ASIC1: variants seen among roughly 807,000 people sequenced by gnomAD.
ASIC1 encodes acid-sensing ion channel 1.
ASIC1 carries 21 observed loss-of-function variants against 63.4 expected under a neutral mutation model. That is an observed-to-expected ratio of 0.33 (90% confidence interval 0.23 to 0.48). The LOEUF (loss-of-function observed/expected upper bound fraction) is 0.48, where lower values mean the gene tolerates loss of function less well. ASIC1 is among the 20% of genes least tolerant of loss of function. The probability of loss-of-function intolerance (pLI) is 0.99; values close to 1 mark genes in which losing one functional copy is unlikely to be tolerated. For synonymous variants in ASIC1, 258 were observed against 278.2 expected, an observed-to-expected ratio of 0.93 and a Z score of 0.72; for missense variants, 478 against 695.5, an observed-to-expected ratio of 0.69 and a Z score of 3.52.
rs1171951314 is a variant in ASIC1 at position 50,067,408 on chromosome 12, TTG to T, written c.558+7456_558+7457del. 1.8e-3 allele frequency among the ~76,000 whole-genome samples: 195 copies of T among 108,562 alleles called. 1 individual carries two copies. The highest frequency in any genetic ancestry group is 3.0e-3 in the Non-Finnish European group (162 of 54,218). The allele number at this position is 108,562 out of a possible 152,430, so 71.2% of individuals were successfully genotyped here. A position where few individuals can be genotyped will look rare whatever the true frequency, so the allele number is the denominator to read the frequency against. ...TAGTTGCCCACCAACTCTTCTGCTG[TTG>T]TTTTTTTTTTTTTTTTGAGACGGAG... On this transcript the variant is annotated intron_variant, in intron 3 of 11. Transcript: ENST00000447966.
chr12:50,070,055 T>G (rs1420591041), intron 3 of ASIC1, among the ~76,000 whole-genome samples: 1 of 151,984 alleles, frequency 6.6e-6, no homozygotes, highest in African/African-American at 2.4e-5. Context: ...TACACAGACA[T>G]GAGGGGTGGC....
intron 8 of ASIC1, 161 bp downstream of exon 8, chr12:50,080,216 G>C: frequency 1.0e-6 from 1 of 1,002,036 alleles, no homozygotes. Flanking sequence ...ATGCAGGGAA[G>C]ATCAAGCCAG....
At position 50,058,737 on chromosome 12, in the gene ASIC1, C is replaced by T. The variant is rs1361026391; in HGVS notation, c.-16-14C>T. The T allele has an allele frequency of 1.3e-6, 2 of 1,552,486 alleles. No individual in the cohort carries two copies. Among genetic ancestry groups the T allele is most frequent in the East Asian group, 2.3e-5 (1 of 44,294 alleles). ...CCCAGGACAATGATAGACTGTCCCTCCCTCCTCCCCCAGGATCCCCTCAAC... is the reference window on the plus strand; with the variant it reads ...CCCAGGACAATGATAGACTGTCCCTTCCTCCTCCCCCAGGATCCCCTCAAC... On this transcript the variant is annotated splice_polypyrimidine_tract_variant and intron_variant, in intron 1 of 11. Coordinates refer to ENST00000447966, the MANE Select transcript of ASIC1 (RefSeq NM_001095.4).
At chr12:50,062,400 C>T (rs1443202479) in intron 3 of ASIC1, among the ~76,000 whole-genome samples, 2 of 152,192 alleles carry the variant, frequency 1.3e-5, no homozygotes, top group South Asian at 2.1e-4. Context: ...TCTATAGGGT[C>T]GATCTAAGGG....
Position 50,081,811 on chromosome 12 carries a change from C to A in ASIC1, c.*162C>A. The stretch of plus-strand genomic sequence containing the variant: ...AGGAGTCTTGACCATAGAGTCCTCT[C>A]TCTGCCTCTATCCCATTCTTTTTAC... On this transcript the variant is annotated 3_prime_UTR_variant, in exon 12 of 12. Transcript: ENST00000447966. 1 of 627,618 alleles carries A rather than the reference C, an allele frequency of 1.6e-6. No homozygotes were observed. Among genetic ancestry groups the A allele is most frequent in the Non-Finnish European group, 2.8e-6 (1 of 360,678 alleles). 38.9% of individuals were successfully genotyped at this position (627,618 alleles called of 1,614,324 possible). A position where few individuals can be genotyped will look rare whatever the true frequency, so the allele number is the denominator to read the frequency against.
At chr12:50,068,465 A>G (rs1358500769) in intron 3 of ASIC1, among the ~76,000 whole-genome samples, 5 of 151,504 alleles carry the variant, frequency 3.3e-5, no homozygotes, top group African/African-American at 7.3e-5. Context: ...CTTTTTTTCT[A>G]TCTTTTTTTT....
chr12:50,081,422 C>T, intron 11 of ASIC1, 58 bp downstream of exon 11: 2 of 1,457,866 alleles, frequency 1.4e-6, no homozygotes, highest in Non-Finnish European at 1.9e-6. Context: ...GCCCCAGGAA[C>T]CCCGTCCACC....
intron 8 of ASIC1, 69 bp downstream of exon 8, chr12:50,080,124 TG>T: frequency 6.7e-7 from 1 of 1,497,282 alleles, no homozygotes; most frequent in South Asian, 1.3e-5. Flanking sequence ...TGGGGTTTGA[TG>T]GGGGCGGGGG....
chr12:50,066,619 A>G (rs925055400), intron 3 of ASIC1, among the ~76,000 whole-genome samples: 1 of 152,182 alleles, frequency 6.6e-6, no homozygotes, highest in Non-Finnish European at 1.5e-5. Context: ...GCAGCTTAGT[A>G]TCACATTGCG....
intron 3 of ASIC1, among the ~76,000 whole-genome samples, chr12:50,068,990 G>T (rs891373903): frequency 1.3e-5 from 2 of 152,082 alleles, no homozygotes; most frequent in African/African-American, 4.8e-5. Context: ...CGCCTTCCAT[G>T]GGGAGTCTTT....
chr12:50,060,531 A>G (rs1053836395), intron 3 of ASIC1, among the ~76,000 whole-genome samples: 12 of 152,216 alleles, frequency 7.9e-5, no homozygotes, highest in Non-Finnish European at 1.3e-4. Context: ...TCCGCACCCC[A>G]TACATAGACA....
chr12:50,077,291 G>A lies in ASIC1; in HGVS notation c.637G>A (p.Gly213Arg), dbSNP rs1341545495. ...GCCGCGGCTGAAGACCATGAAGGGT[G>A]GGACGGGCAATGGGCTGGAAATCAT... is the stretch of plus-strand genomic sequence containing the variant. The part of the protein sequence containing the change: ...GRPRLKTMKG[G>R]TGNGLEIMLD... Residue 213 changes from glycine (G) to arginine (R), a missense_variant, in exon 4 of 12, where the codon GGG becomes AGG. Coordinates refer to ENST00000447966, the MANE Select transcript of ASIC1 (RefSeq NM_001095.4). The A allele has an allele frequency of 1.1e-5, 17 of 1,614,176 alleles. No homozygotes were observed. The highest frequency in any genetic ancestry group is 1.4e-5 in the Non-Finnish European group (17 of 1,180,012).
Position 50,074,068 on chromosome 12 carries a change from G to A in ASIC1, c.559-3145G>A. ...CTTGCTTTATTTGGCCCCCATGCTG[G>A]GACTGGATGAAAGTGATGACCCCGG... On this transcript the variant is annotated intron_variant, in intron 3 of 11. Transcript: ENST00000447966. This position sits in a 1 kb window ranked among gnomAD's most constrained non-coding sequence, Gnocchi z 4.2. 1 of 1,534,988 alleles carries A rather than the reference G, an allele frequency of 6.5e-7. No individual in the cohort carries two copies. The highest frequency in any genetic ancestry group is 8.7e-7 in the Non-Finnish European group (1 of 1,146,200).
intron 3 of ASIC1, chr12:50,073,861 G>T (rs706792): frequency 0.38 from 582,321 of 1,531,042 alleles, 117,388 homozygotes; most frequent in Non-Finnish European, 0.41. Context: ...GGTGCTGTGG[G>T]CGGTGGCCTT....
At position 50,074,479 on chromosome 12, in the gene ASIC1, G is replaced by A. The variant is rs1238911977; in HGVS notation, c.559-2734G>A. The stretch of plus-strand genomic sequence containing the variant: ...TTTTCCTGTTAGAATCTTGAAACAC[G>A]TCTGTCTTAGTTGGTATTTTGCTGC... On this transcript the variant is annotated intron_variant, in intron 3 of 11. Coordinates refer to ENST00000447966, the MANE Select transcript of ASIC1 (RefSeq NM_001095.4). The surrounding 1 kb of genome is among the most constrained non-coding windows in gnomAD (Gnocchi z 4.2). 1.3e-5 allele frequency among the ~76,000 whole-genome samples: 2 copies of A among 152,164 alleles called. No homozygotes were observed. The highest frequency in any genetic ancestry group is 6.5e-5 in the Admixed American group (1 of 15,286).
chr12:50,069,574 A>G (rs1387850239), intron 3 of ASIC1, among the ~76,000 whole-genome samples: 1 of 152,192 alleles, frequency 6.6e-6, no homozygotes, highest in East Asian at 1.9e-4. Flanking sequence ...GATTACAGGC[A>G]TAAGCCACCG....
At chr12:50,061,534 G>A (rs1950500956) in intron 3 of ASIC1, among the ~76,000 whole-genome samples, 1 of 152,342 alleles carries the variant, frequency 6.6e-6, no homozygotes, top group South Asian at 2.1e-4. Context: ...GACTGTAGGT[G>A]AAGGTGGAAG....
In ASIC1 at chr12:50,074,037, C is replaced by T. The variant is rs940383598; in HGVS notation, c.559-3176C>T. 6 of 1,534,248 alleles carry T rather than the reference C, an allele frequency of 3.9e-6. No individual in the cohort carries two copies. Among genetic ancestry groups the T allele is most frequent in the Non-Finnish European group, 5.2e-6 (6 of 1,145,716 alleles). On this transcript the variant is annotated intron_variant, in intron 3 of 11. Transcript: ENST00000447966. The surrounding 1 kb of genome is among the most constrained non-coding windows in gnomAD (Gnocchi z 4.2). ...CTGTGCGGCTGTCCCAGCTCAGCTACCCTGACTTGCTTTATTTGGCCCCCA... is the reference window on the plus strand; with the variant it reads ...CTGTGCGGCTGTCCCAGCTCAGCTATCCTGACTTGCTTTATTTGGCCCCCA...
intron 3 of ASIC1, 63 bp from the exon 4 acceptor site, chr12:50,077,150 A>G: frequency 6.2e-7 from 1 of 1,609,514 alleles, no homozygotes; most frequent in African/African-American, 1.3e-5. Flanking sequence ...GTGGCTAGGA[A>G]CAGCCCTTGG....
Sources: gnomAD v4.1 joint callset for allele counts (sites outside exome capture counted in the v4.1 genomes callset) on GRCh38, gnomAD v4.1.1 for gene constraint, Gnocchi (gnomAD v3.1) non-coding constraint, MANE v1.5 for transcripts, NCBI Gene and HGNC (gene_info 2026-07-23, HGNC 2026-07-21) for gene names.